FHIT: variants seen among roughly 807,000 people sequenced by gnomAD.
The protein encoded by FHIT is fragile histidine triad diadenosine triphosphatase, also known as bis(5'-adenosyl)-triphosphatase.
In FHIT, 19 loss-of-function variants were observed where a neutral mutation model predicts 17.9. The observed-to-expected ratio is 1.06, with a 90% confidence interval of 0.74 to 1.56. FHIT has a LOEUF of 1.56. Ranked by LOEUF, FHIT falls within the 40% of genes most tolerant of loss-of-function variation. FHIT has a pLI of 0.00. For missense variants in FHIT, 248 were observed against 189.2 expected (o/e 1.31, Z -1.82); for synonymous variants, 81 against 69.7 (o/e 1.16, Z -0.81).
intron 5 of FHIT, among the ~76,000 whole-genome samples, chr3:60,093,653 C>T (rs1176984157): frequency 6.6e-6 from 1 of 152,158 alleles, no homozygotes; most frequent in Non-Finnish European, 1.5e-5. Context: ...AGGTTAGCTT[C>T]CTATCAGATC....
chr3:60,473,468 T>C (rs2121863), intron 5 of FHIT, among the ~76,000 whole-genome samples: 61,287 of 151,814 alleles, frequency 0.4, 13,499 homozygotes, highest in East Asian at 0.57. Flanking sequence ...ATAAATACAA[T>C]GTGAAGAGAC....
chr3:60,372,604 GAACA>G (rs948960309), intron 5 of FHIT, among the ~76,000 whole-genome samples: 8 of 152,158 alleles, frequency 5.3e-5, no homozygotes, highest in Non-Finnish European at 1.0e-4. Context: ...CTACTTCAAT[GAACA>G]AACAATCGAA....
chr3:60,572,863 G>A (rs571079364), intron 4 of FHIT, among the ~76,000 whole-genome samples: 2 of 152,128 alleles, frequency 1.3e-5, no homozygotes, highest in African/African-American at 2.4e-5. Context: ...TCAGCAACTC[G>A]CAGAGTTCTT....
At chr3:60,543,452 T>C (rs1263351282) in intron 4 of FHIT, among the ~76,000 whole-genome samples, 1 of 152,188 alleles carries the variant, frequency 6.6e-6, no homozygotes, top group Non-Finnish European at 1.5e-5. Context: ...TTCAAAATAT[T>C]CAACGAAGCC....
intron 4 of FHIT, among the ~76,000 whole-genome samples, chr3:60,819,038 C>CTT (rs1282544271): frequency 2.4e-4 from 25 of 102,202 alleles, no homozygotes; most frequent in South Asian, 1.1e-3. Context: ...TTTTTCTTTT[C>CTT]TTTTTTTTTT....
chr3:60,398,295 G>A (rs1392535411), intron 5 of FHIT, among the ~76,000 whole-genome samples: 3 of 152,130 alleles, frequency 2.0e-5, no homozygotes, highest in Non-Finnish European at 4.4e-5. Context: ...AAGAGTTTCT[G>A]CAACTTCTCT....
intron 4 of FHIT, among the ~76,000 whole-genome samples, chr3:60,716,546 C>A (rs2041688577): frequency 6.6e-6 from 1 of 152,092 alleles, no homozygotes; most frequent in Admixed American, 6.6e-5. Flanking sequence ...GAAGTTCTTA[C>A]CTCCAATGAA....
chr3:59,993,279 G>A (rs1699366604), intron 7 of FHIT, among the ~76,000 whole-genome samples: 1 of 152,048 alleles, frequency 6.6e-6, no homozygotes, highest in South Asian at 2.1e-4. Context: ...CCCGGAAAGA[G>A]AGGTACTGAG....
At chr3:60,576,313 G>C (rs553023431) in intron 4 of FHIT, among the ~76,000 whole-genome samples, 1 of 152,104 alleles carries the variant, frequency 6.6e-6, no homozygotes, top group Non-Finnish European at 1.5e-5. Flanking sequence ...GAAAATATGA[G>C]AGAAACGTCA....
chr3:59,834,291 G>A (rs1701263803), intron 8 of FHIT, among the ~76,000 whole-genome samples: 1 of 152,156 alleles, frequency 6.6e-6, no homozygotes, highest in Non-Finnish European at 1.5e-5. Flanking sequence ...AGAGTTAAAC[G>A]AGGTAGTGGA....
chr3:60,651,384 C>T (rs922458469), intron 4 of FHIT, among the ~76,000 whole-genome samples: 2 of 151,922 alleles, frequency 1.3e-5, no homozygotes, highest in Non-Finnish European at 2.9e-5. Context: ...TTACAGGTGG[C>T]AAAATTAAAA....
chr3:61,001,723 T>C (rs1233735222), intron 3 of FHIT, among the ~76,000 whole-genome samples: 2 of 152,184 alleles, frequency 1.3e-5, no homozygotes, highest in East Asian at 3.9e-4. Flanking sequence ...CAGTGAAGTA[T>C]CTTGATAGTG....
At chr3:60,877,366 T>A (rs1704714581) in intron 3 of FHIT, among the ~76,000 whole-genome samples, 2 of 152,142 alleles carry the variant, frequency 1.3e-5, no homozygotes, top group Admixed American at 1.3e-4. Flanking sequence ...CTACCTGCCC[T>A]CCCTCACCTT....
At chr3:60,826,003 A>T (rs186682484) in intron 3 of FHIT, among the ~76,000 whole-genome samples, 63 of 152,264 alleles carry the variant, frequency 4.1e-4, no homozygotes, top group Non-Finnish European at 7.9e-4. Context: ...AAAAAACAAC[A>T]CTGGAAGCAA....
intron 4 of FHIT, among the ~76,000 whole-genome samples, chr3:60,631,736 G>A (rs188936566): frequency 1.3e-5 from 2 of 152,124 alleles, no homozygotes; most frequent in South Asian, 2.1e-4. Context: ...TGCGTGTGTC[G>A]CACGGCATCC....
intron 8 of FHIT, among the ~76,000 whole-genome samples, chr3:59,752,764 A>G (rs1381160032): frequency 6.6e-6 from 1 of 152,166 alleles, no homozygotes; most frequent in Non-Finnish European, 1.5e-5. Flanking sequence ...CTCCAGCCAC[A>G]GAAGACGTGC....
chr3:61,014,754 T>C (rs1402395312), intron 3 of FHIT, among the ~76,000 whole-genome samples: 4 of 116,296 alleles, frequency 3.4e-5, no homozygotes, highest in Non-Finnish European at 6.4e-5. Flanking sequence ...CACTCCAGCC[T>C]GGGTGACAGA....
At chr3:60,860,467 T>TAC (rs1553751530) in intron 3 of FHIT, among the ~76,000 whole-genome samples, 1 of 127,008 alleles carries the variant, frequency 7.9e-6, no homozygotes, top group African/African-American at 3.0e-5. Context: ...TGTACATATA[T>TAC]ATGTATATAT....
intron 2 of FHIT, among the ~76,000 whole-genome samples, chr3:61,130,249 T>C (rs2106952789): frequency 6.6e-6 from 1 of 152,318 alleles, no homozygotes; most frequent in South Asian, 2.1e-4. Flanking sequence ...CAGGGAAAAC[T>C]TCCTTTGCAA....
Sources: allele counts gnomAD v4.1 joint callset (sites outside exome capture counted in the v4.1 genomes callset), GRCh38; gene constraint gnomAD v4.1.1; transcripts MANE v1.5; gene names NCBI Gene and HGNC (gene_info 2026-07-23, HGNC 2026-07-21).